Variants in TMEM63C observed in about 807,000 individuals in gnomAD.
The protein encoded by TMEM63C is osmosensitive cation channel TMEM63C.
TMEM63C carries 32 observed loss-of-function variants against 99.2 expected under a neutral mutation model. The observed-to-expected ratio is 0.32, with a 90% confidence interval of 0.24 to 0.43. TMEM63C has a LOEUF of 0.43. TMEM63C is among the 20% of genes least tolerant of loss of function. TMEM63C has a pLI of 1.00. For synonymous variants in TMEM63C, 376 were observed against 397.9 expected (o/e 0.94, Z 0.66); for missense variants, 826 against 1,053.0 (o/e 0.78, Z 2.98).
At chr14:77,216,932 G>A (rs1014454811) in intron 2 of TMEM63C, among the ~76,000 whole-genome samples, 11 of 152,118 alleles carry the variant, frequency 7.2e-5, no homozygotes, top group East Asian at 3.8e-4. Context: ...TTGGGAGTCC[G>A]AGGCAGGAGA....
At chr14:77,253,493 T>C in intron 23 of TMEM63C, 117 bp downstream of exon 23, 3 of 1,055,602 alleles carry the variant, frequency 2.8e-6, no homozygotes, top group Non-Finnish European at 2.8e-6. Flanking sequence ...GGGAAGGAGA[T>C]GGGGGACCCC....
At chr14:77,200,775 CTCCA>C (rs1888286247) in intron 1 of TMEM63C, among the ~76,000 whole-genome samples, 3 of 152,342 alleles carry the variant, frequency 2.0e-5, no homozygotes, top group Admixed American at 6.5e-5. Context: ...CTGCCCTGTC[CTCCA>C]CATGGTAGGA....
chr14:77,197,387 C>T (rs192983716), intron 1 of TMEM63C, among the ~76,000 whole-genome samples: 107 of 152,322 alleles, frequency 7.0e-4, no homozygotes, highest in Admixed American at 1.1e-3. Flanking sequence ...AGGGCCCCAG[C>T]CCTACGCCAG....
intron 7 of TMEM63C, 86 bp from the exon 8 acceptor site, chr14:77,233,366 C>T: frequency 7.2e-7 from 1 of 1,383,108 alleles, no homozygotes; most frequent in Non-Finnish European, 1.0e-6. Context: ...CTCCAGACCC[C>T]ACGCATTTGT....
At chr14:77,206,169 C>CA (rs1296658842) in intron 1 of TMEM63C, among the ~76,000 whole-genome samples, 2 of 140,528 alleles carry the variant, frequency 1.4e-5, no homozygotes, top group African/African-American at 2.6e-5. Flanking sequence ...TAGACCACCC[C>CA]AAAAAATGAC....
rs371568829 is a variant in TMEM63C at position 77,249,484 on chromosome 14, C to A, written c.2038+26C>A. On this transcript the variant is annotated intron_variant, in intron 21 of 23. Transcript: ENST00000298351. ...GTAGGTACCAAGCCAGCCTGGAGACCCCACCTCCACCTGCCCCACTGTTCT... is the reference window on the plus strand; with the variant it reads ...GTAGGTACCAAGCCAGCCTGGAGACACCACCTCCACCTGCCCCACTGTTCT... The A allele has an allele frequency of 3.7e-6, 6 of 1,610,778 alleles. No individual in the cohort carries two copies. In the African/African-American group the frequency reaches 8.0e-5, roughly 22 times the overall value.
intron 1 of TMEM63C, among the ~76,000 whole-genome samples, chr14:77,188,519 A>T (rs184066358): frequency 1.3e-5 from 2 of 152,326 alleles, no homozygotes; most frequent in Non-Finnish European, 2.9e-5. Context: ...AAACTCACAC[A>T]TGTGCATAAG....
intron 7 of TMEM63C, among the ~76,000 whole-genome samples, 181 bp from the exon 8 acceptor site, chr14:77,233,271 G>A (rs1888976219): frequency 6.6e-6 from 1 of 152,108 alleles, no homozygotes; most frequent in Non-Finnish European, 1.5e-5. Context: ...AGCAGTGCCA[G>A]GGAAAAGAGG....
intron 1 of TMEM63C, among the ~76,000 whole-genome samples, chr14:77,199,832 C>T (rs1412933020): frequency 6.6e-6 from 1 of 152,154 alleles, no homozygotes; most frequent in Non-Finnish European, 1.5e-5. Flanking sequence ...AGGCTCCCAG[C>T]GACACTGTGA....
At chr14:77,186,122 C>T (rs892701179) in intron 1 of TMEM63C, among the ~76,000 whole-genome samples, 6 of 152,110 alleles carry the variant, frequency 3.9e-5, no homozygotes, top group Non-Finnish European at 8.8e-5. Flanking sequence ...AGCGATTCTC[C>T]TGCCTCAGCC....
At chr14:77,236,440 G>GTAATGGGGAGACT (rs1594865031) in intron 8 of TMEM63C, among the ~76,000 whole-genome samples, 184 bp from the exon 9 acceptor site, 1 of 65,830 alleles carries the variant, frequency 1.5e-5, no homozygotes, top group African/African-American at 5.5e-5. Flanking sequence ...GATGGGTGGG[G>GTAATGGGGAGACT]GTGGGGGATA....
At chr14:77,213,791 T>TAGTG (rs2307535) in intron 2 of TMEM63C, among the ~76,000 whole-genome samples, 149,263 of 152,232 alleles carry the variant, frequency 0.98, 73,245 homozygotes, top group Middle Eastern at 1. Flanking sequence ...CTAAACGTGC[T>TAGTG]AGTGAGTTAA....
chr14:77,246,627 C>T lies in TMEM63C; in HGVS notation c.1554C>T (p.Arg518=), dbSNP rs185574429. 6.2e-6 allele frequency: 10 copies of T among 1,613,344 alleles called. No homozygotes were observed. The highest frequency in any genetic ancestry group is 2.7e-5 in the African/African-American group (2 of 75,070). ...CTTCTAGTTTGGATGTCTTTCTCCG[C>T]TGGCTCTTTGACATCTACTATCTAG... ...MGLTSLDVFL[R]WLFDIYYLEQ... is the part of the protein sequence containing the mutation. Residue 518 remains arginine, a synonymous_variant, in exon 18 of 24, where the codon CGC becomes CGT. Transcript: ENST00000298351.
intron 1 of TMEM63C, among the ~76,000 whole-genome samples, chr14:77,187,211 C>T (rs533206180): frequency 6.6e-6 from 1 of 152,348 alleles, no homozygotes; most frequent in African/African-American, 2.4e-5. Context: ...GGGGAGCCAT[C>T]TGTGTGCCGT....
At chr14:77,211,130 G>A (rs897832864) in intron 1 of TMEM63C, among the ~76,000 whole-genome samples, 1 of 152,224 alleles carries the variant, frequency 6.6e-6, no homozygotes, top group Non-Finnish European at 1.5e-5. Context: ...TAAAGGCTAG[G>A]GAAGCTGCTG....
chr14:77,248,743 G>T, intron 19 of TMEM63C, 24 bp from the exon 20 acceptor site: 2 of 1,609,436 alleles, frequency 1.2e-6, no homozygotes, highest in South Asian at 1.1e-5. Context: ...GCCACCTCAG[G>T]GTGACACCTG....
intron 13 of TMEM63C, among the ~76,000 whole-genome samples, chr14:77,240,931 C>CTTTTT (rs575279817): frequency 4.7e-5 from 6 of 128,482 alleles, no homozygotes; most frequent in Non-Finnish European, 8.0e-5. Context: ...TTCCCTTTTT[C>CTTTTT]TTTTTTTTTT....
chr14:77,212,045 G>C (rs550688812), intron 1 of TMEM63C, among the ~76,000 whole-genome samples: 1 of 152,326 alleles, frequency 6.6e-6, no homozygotes, highest in African/African-American at 2.4e-5. Flanking sequence ...CCCCAGAACA[G>C]AGAGGCTGGA....
chr14:77,256,560 T>G lies in TMEM63C; in HGVS notation c.2255T>G (p.Leu752Trp). The change falls in exon 24 of 24, where the codon TTG (leucine) becomes TGG (tryptophan). Residue 752 changes from leucine to tryptophan, a missense_variant. Physicochemically the swap from Leu to Trp is moderately conservative, Grantham distance 61 (BLOSUM62 -2). Coordinates refer to ENST00000298351, the MANE Select transcript of TMEM63C (RefSeq NM_020431.4). ...YVATVLQEPE[L>W]NLTPASSPAR... ...GCCACCGTGCTGCAAGAACCGGAGT[T>G]GAATCTGACCCCCGCCTCCTCCCCA... The G allele has an allele frequency of 6.2e-7, 1 of 1,613,944 alleles. No individual in the cohort carries two copies. Among genetic ancestry groups the G allele is most frequent in the Non-Finnish European group, 8.5e-7 (1 of 1,179,868 alleles).
Sources: gnomAD v4.1 joint callset for allele counts (sites outside exome capture counted in the v4.1 genomes callset) on GRCh38, gnomAD v4.1.1 for gene constraint, MANE v1.5 for transcripts, NCBI Gene and HGNC (gene_info 2026-07-23, HGNC 2026-07-21) for gene names.